AFF1: variants seen among roughly 807,000 people sequenced by gnomAD.
The protein encoded by AFF1 is ALF transcription elongation factor 1.
A neutral mutation model predicts 121.7 loss-of-function variants in AFF1; 48 were observed. The observed-to-expected ratio is 0.39, with a 90% CI of 0.31 to 0.50. The LOEUF (loss-of-function observed/expected upper bound fraction) is 0.50. Ranked by LOEUF, AFF1 falls within the 20% of genes least tolerant of loss-of-function variation. The pLI is 0.76. For synonymous variants in AFF1, 613 were observed against 563.0 expected, an observed-to-expected ratio of 1.09 and a Z score of -1.26; for missense variants, 1,523 against 1,511.7, an observed-to-expected ratio of 1.01 and a Z score of -0.12.
At chr4:87,085,449 T>G (rs767304782) in intron 5 of AFF1, among the ~76,000 whole-genome samples, 43 of 152,020 alleles carry the variant, frequency 2.8e-4, no homozygotes, top group African/African-American at 9.9e-4. Flanking sequence ...CTTTTTTTTT[T>G]TTAATTAGTA....
chr4:87,081,266 A>G (rs1560606359), intron 4 of AFF1, among the ~76,000 whole-genome samples: 3 of 144,210 alleles, frequency 2.1e-5, no homozygotes, highest in African/African-American at 5.2e-5. Flanking sequence ...GGTTCACACG[A>G]CTCTCCTGCC....
chr4:87,068,806 C>T (rs953312075), intron 4 of AFF1, among the ~76,000 whole-genome samples: 5 of 152,140 alleles, frequency 3.3e-5, no homozygotes, highest in African/African-American at 7.2e-5. Context: ...CTGTAAGGGC[C>T]GCCATTGCAG....
intron 2 of AFF1, among the ~76,000 whole-genome samples, chr4:86,950,401 C>G (rs7671460): frequency 6.6e-6 from 1 of 152,172 alleles, no homozygotes; most frequent in African/African-American, 2.4e-5. Flanking sequence ...AATTCCTAAC[C>G]TCAGGTGATC....
intron 2 of AFF1, among the ~76,000 whole-genome samples, chr4:86,979,298 A>G (rs1044654060): frequency 6.6e-6 from 1 of 152,052 alleles, no homozygotes; most frequent in African/African-American, 2.4e-5. Flanking sequence ...GGGTTTTGCC[A>G]TGTTCACCAG....
rs1420094233 is a variant in AFF1 at position 86,946,478 on chromosome 4, C to A, written c.-36-2020C>A. The stretch of plus-strand genomic sequence containing the variant: ...ACCCCCCACCCACCCCCACCTGCAT[C>A]CCTACTCAAGCAGTCCTCCCACCTC... On this transcript the variant is annotated intron_variant, in intron 1 of 20. Transcript: ENST00000395146. 4.8e-5 allele frequency among the ~76,000 whole-genome samples: 6 copies of A among 125,518 alleles called. No individual in the cohort carries two copies. The Admixed American group carries it at 5.4e-4, about 11-fold the overall frequency. 82.3% of individuals were successfully genotyped at this position (125,518 alleles called of 152,430 possible).
Position 87,112,594 on chromosome 4 carries a change from G to A in AFF1, c.1534-1773G>A, listed in dbSNP as rs540187380. Among the ~76,000 whole-genome samples the A allele has an allele frequency of 2.2e-4, 33 of 152,236 alleles. No individual in the cohort carries two copies. In the East Asian group the frequency reaches 6.2e-3, roughly 28 times the overall value. On this transcript the variant is annotated intron_variant, in intron 11 of 20. Transcript: ENST00000395146. ...CTTTTCCTGGCCAAAAAGCCTTTAT[G>A]TCATAGCCACATATTTTGCATCATG...
intron 11 of AFF1, among the ~76,000 whole-genome samples, chr4:87,112,589 T>A (rs1726648841): frequency 6.6e-6 from 1 of 152,242 alleles, no homozygotes; most frequent in Admixed American, 6.5e-5. Flanking sequence ...CCAAAAAGCC[T>A]TTATGTCATA....
At position 87,138,032 on chromosome 4, in the gene AFF1, T is replaced by TG. The variant is rs1387855691; in HGVS notation, c.*2331_*2332insG. On this transcript the variant is annotated 3_prime_UTR_variant, in exon 21 of 21. Coordinates refer to ENST00000395146, the MANE Select transcript of AFF1 (RefSeq NM_001166693.3). The stretch of plus-strand genomic sequence containing the variant: ...CAGTGGCCTTACTCTTTGTGGGTTT[T>TG]TTTTTTTTTCTCTGAACTTGATATA... 4.3e-6 allele frequency: 1 copy of TG among 230,454 alleles called. No homozygotes were observed. The highest frequency in any genetic ancestry group is 6.1e-5 in the East Asian group (1 of 16,272). The allele number at this position is 230,454 out of a possible 1,614,324, so 14.3% of individuals were successfully genotyped here. A position where few individuals can be genotyped will look rare whatever the true frequency, so the allele number is the denominator to read the frequency against.
rs1177651913 is a variant in AFF1, at chr4:87,046,168, T to C, written c.41T>C (p.Leu14Ser). 1.9e-6 allele frequency: 3 copies of C among 1,611,986 alleles called. No individual in the cohort carries two copies. In the African/African-American group the frequency reaches 4.0e-5, roughly 22 times the overall value. The change falls in exon 3 of 21, where the codon TTG (leucine) becomes TCG (serine). Residue 14 changes from leucine to serine, a missense_variant and splice_region_variant. Leu to Ser is a moderately radical substitution (Grantham distance 145). Transcript: ENST00000395146. ...TTCTTTTGTGGCATCTGAAACAGTTTGTACAATGACGACAGAAACCTGCTT... is the reference window on the plus strand; with the variant it reads ...TTCTTTTGTGGCATCTGAAACAGTTCGTACAATGACGACAGAAACCTGCTT... ...TERVNSSGNS[L>S]YNDDRNLLRI...
At chr4:87,031,264 T>G (rs1029645072) in intron 2 of AFF1, among the ~76,000 whole-genome samples, 3 of 152,162 alleles carry the variant, frequency 2.0e-5, no homozygotes, top group African/African-American at 7.2e-5. Flanking sequence ...AAGTGCTGTC[T>G]TGGGGCGGAG....
rs138445351 is a variant in AFF1, at chr4:86,960,700, A to G, written c.38+12129A>G. Among the ~76,000 whole-genome samples, 32 of 152,276 alleles carry G rather than the reference A, an allele frequency of 2.1e-4. 1 individual carries two copies. In the East Asian group the frequency reaches 6.2e-3, roughly 29 times the overall value. On this transcript the variant is annotated intron_variant, in intron 2 of 20. Coordinates refer to ENST00000395146, the MANE Select transcript of AFF1 (RefSeq NM_001166693.3). The stretch of plus-strand genomic sequence containing the variant: ...ATTAAGATTGCAAATTGCTGCCTAA[A>G]TTCAGCTTGCAGTTAAGGCCTACCT...
At chr4:87,079,236 T>G (rs1722943221) in intron 4 of AFF1, among the ~76,000 whole-genome samples, 1 of 152,212 alleles carries the variant, frequency 6.6e-6, no homozygotes, top group African/African-American at 2.4e-5. Flanking sequence ...TAAAACACAA[T>G]ATTGCAAGAG....
chr4:87,059,565 T>C (rs1473138358), intron 4 of AFF1, among the ~76,000 whole-genome samples: 1 of 152,194 alleles, frequency 6.6e-6, no homozygotes, highest in Non-Finnish European at 1.5e-5. Context: ...TTCACATGAG[T>C]GATTTGATTA....
At chr4:86,974,143 C>CTTAT (rs779283523) in intron 2 of AFF1, 7 of 152,192 alleles carry the variant, frequency 4.6e-5, no homozygotes, top group Middle Eastern at 3.4e-3. Context: ...CAGAATTCAA[C>CTTAT]TTATTTATTT....
intron 2 of AFF1, among the ~76,000 whole-genome samples, chr4:86,989,576 G>T (rs769006335): frequency 1.3e-3 from 205 of 152,326 alleles, no homozygotes; most frequent in Middle Eastern, 0.01. Context: ...CACTGTTGGT[G>T]GGAGTGTAAA....
At chr4:86,967,703 T>G (rs868066832) in intron 2 of AFF1, among the ~76,000 whole-genome samples, 50 of 151,858 alleles carry the variant, frequency 3.3e-4, no homozygotes, top group African/African-American at 1.2e-3. Context: ...AACAGAAGAC[T>G]CAAGAACAAT....
At chr4:87,027,784 GT>G (rs35903702) in intron 2 of AFF1, among the ~76,000 whole-genome samples, 3,496 of 90,648 alleles carry the variant, frequency 0.039, 10 homozygotes, top group East Asian at 0.061. Context: ...TTGCTGTTGG[GT>G]TTTTTTTTTT....
rs1364941567 is a variant in AFF1 at position 87,136,617 on chromosome 4, G to A, written c.*916G>A. 1.7e-5 allele frequency: 4 copies of A among 230,914 alleles called. No individual in the cohort carries two copies. Among genetic ancestry groups the A allele is most frequent in the Non-Finnish European group, 3.4e-5 (4 of 116,704 alleles). The allele number at this position is 230,914 out of a possible 1,614,324, so 14.3% of individuals were successfully genotyped here. On this transcript the variant is annotated 3_prime_UTR_variant, in exon 21 of 21. Coordinates refer to ENST00000395146, the MANE Select transcript of AFF1 (RefSeq NM_001166693.3). ...AAGAAGGGAACCAACATTTATACCT[G>A]ACCAGATGGCTAAAGTGCTTTTAAA...
rs534610757 is a variant in AFF1, at chr4:87,138,162, G to T, written c.*2461G>T. ...TCCTTATTGCATTGTACCTAAAGGA[G>T]AGTAACTAATGGTAACCTTTTTAAT... On this transcript the variant is annotated 3_prime_UTR_variant, in exon 21 of 21. Transcript: ENST00000395146. 1.8e-4 allele frequency: 42 copies of T among 232,262 alleles called. No homozygotes were observed. The highest frequency in any genetic ancestry group is 2.5e-4 in the Non-Finnish European group (29 of 117,544). 14.4% of individuals were successfully genotyped at this position (232,262 alleles called of 1,614,324 possible). A position where few individuals can be genotyped will look rare whatever the true frequency, so the allele number is the denominator to read the frequency against.
Sources: gnomAD v4.1 joint callset for allele counts (sites outside exome capture counted in the v4.1 genomes callset) on GRCh38, gnomAD v4.1.1 for gene constraint, MANE v1.5 for transcripts, NCBI Gene and HGNC (gene_info 2026-07-23, HGNC 2026-07-21) for gene names.